ANKRD44: variants seen among roughly 807,000 people sequenced by gnomAD.
The protein encoded by ANKRD44 is ankyrin repeat domain 44, also known as serine/threonine-protein phosphatase 6 regulatory ankyrin repeat subunit B.
In ANKRD44, 35 loss-of-function variants were observed where a neutral mutation model predicts 116.0. That is an observed-to-expected ratio of 0.30 (90% CI 0.23 to 0.40). ANKRD44 has a LOEUF of 0.40. Ranked by LOEUF, ANKRD44 falls within the 10% of genes least tolerant of loss-of-function variation. ANKRD44 has a pLI of 1.00. For missense variants in ANKRD44, 1,014 were observed against 1,242.6 expected (o/e 0.82, Z 2.77); for synonymous variants, 435 against 461.8 (o/e 0.94, Z 0.74).
chr2:197,264,577 T>C (rs575380635), intron 1 of ANKRD44, among the ~76,000 whole-genome samples: 10 of 152,172 alleles, frequency 6.6e-5, no homozygotes, highest in Non-Finnish European at 1.2e-4. Context: ...GTTCATAACA[T>C]GGGGTGGATT....
In ANKRD44 at chr2:197,072,610, G is replaced by C. The variant is rs147159213; in HGVS notation, c.1650+6093C>G. The stretch of plus-strand genomic sequence containing the variant: ...ACTAAATAAAGCTTAGTCACTCACA[G>C]TGTATTTCACTTGTTCAACAACTTT... On this transcript the variant is annotated intron_variant, in intron 16 of 27. Coordinates refer to ENST00000282272, the MANE Select transcript of ANKRD44 (RefSeq NM_001195144.2). Among the ~76,000 whole-genome samples, 3 of 152,306 alleles carry C rather than the reference G, an allele frequency of 2.0e-5. No individual in the cohort carries two copies. The East Asian group carries it at 5.8e-4, about 29-fold the overall frequency.
intron 1 of ANKRD44, among the ~76,000 whole-genome samples, chr2:197,300,493 C>G (rs1030436097): frequency 6.6e-6 from 1 of 152,172 alleles, no homozygotes; most frequent in African/African-American, 2.4e-5. Flanking sequence ...TAAACCTGCA[C>G]TATATGTGGA....
intron 2 of ANKRD44, among the ~76,000 whole-genome samples, chr2:197,153,759 TA>T (rs2079726108): frequency 6.6e-6 from 1 of 152,186 alleles, no homozygotes; most frequent in African/African-American, 2.4e-5. Flanking sequence ...AAAATACTTT[TA>T]GGGATAAAAG....
chr2:197,025,787 G>A (rs554049800), intron 16 of ANKRD44, among the ~76,000 whole-genome samples: 1 of 152,316 alleles, frequency 6.6e-6, no homozygotes, highest in East Asian at 1.9e-4. Context: ...CATTTCAAGT[G>A]AATCCTAAAT....
intron 10 of ANKRD44, among the ~76,000 whole-genome samples, chr2:197,099,127 A>T (rs1235620975): frequency 6.6e-6 from 1 of 152,040 alleles, no homozygotes; most frequent in Non-Finnish European, 1.5e-5. Context: ...TTCAGAAAAC[A>T]CTGGCCACCT....
chr2:197,118,617 G>GAA (rs57119522), intron 8 of ANKRD44, among the ~76,000 whole-genome samples: 63,758 of 104,144 alleles, frequency 0.61, 17,365 homozygotes, highest in East Asian at 0.81. Flanking sequence ...GAGAAAGAAA[G>GAA]AGAGAGAGAG....
At position 197,007,911 on chromosome 2, in the gene ANKRD44, C is replaced by T; in HGVS notation, c.2025G>A (p.Met675Ile). Residue 675 changes from methionine (M) to isoleucine (I), a missense_variant, in exon 20 of 28, where the codon ATG becomes ATA. Coordinates refer to ENST00000282272, the MANE Select transcript of ANKRD44 (RefSeq NM_001195144.2). ...CAATATGTCCATATGCTACTGCAAG[C>T]ATCAGTGGTGTTCTAGGCAGAGAGA... ...VKDAKGQTPL[M>I]LAVAYGHIDA... 2 of 1,613,318 alleles carry T rather than the reference C, an allele frequency of 1.2e-6. No homozygotes were observed. The highest frequency in any genetic ancestry group is 1.1e-5 in the South Asian group (1 of 91,028).
chr2:197,164,663 C>A (rs898566062), intron 2 of ANKRD44, among the ~76,000 whole-genome samples: 4 of 152,188 alleles, frequency 2.6e-5, no homozygotes, highest in Non-Finnish European at 5.9e-5. Context: ...GCCCCTCCTG[C>A]CCCGGACGTC....
chr2:197,016,970 G>T (rs2076404462), intron 17 of ANKRD44, among the ~76,000 whole-genome samples: 1 of 151,838 alleles, frequency 6.6e-6, no homozygotes, highest in African/African-American at 2.4e-5. Flanking sequence ...GCAACTCACA[G>T]AAAAAGAAAT....
chr2:197,165,261 G>C (rs2080077863), intron 2 of ANKRD44, among the ~76,000 whole-genome samples: 1 of 152,196 alleles, frequency 6.6e-6, no homozygotes, highest in Admixed American at 6.5e-5. Flanking sequence ...ATGTCCAAGG[G>C]CCAGGTAAAC....
intron 1 of ANKRD44, among the ~76,000 whole-genome samples, chr2:197,237,470 G>T (rs535386552): frequency 6.6e-6 from 1 of 152,170 alleles, no homozygotes; most frequent in Admixed American, 6.5e-5. Flanking sequence ...CCTTCTGTGG[G>T]ATTGGACTCT....
intron 1 of ANKRD44, among the ~76,000 whole-genome samples, chr2:197,208,588 C>A (rs1356222452): frequency 6.6e-6 from 1 of 152,068 alleles, no homozygotes; most frequent in African/African-American, 2.4e-5. Flanking sequence ...ATCACGAGGT[C>A]AGGAGATTGA....
At position 197,147,467 on chromosome 2, in the gene ANKRD44, T is replaced by C. The variant is rs1478124324; in HGVS notation, c.112-362A>G. ...AAAAATCTAACCTACCATAGCAATA[T>C]AGTTCAAAGCTTTCAATGACTTATT... is the stretch of plus-strand genomic sequence containing the variant. On this transcript the variant is annotated intron_variant, in intron 2 of 27. Transcript: ENST00000282272. Among the ~76,000 whole-genome samples, 6 of 151,422 alleles carry C rather than the reference T, an allele frequency of 4.0e-5. No homozygotes were observed. In the South Asian group the frequency reaches 6.3e-4, roughly 16 times the overall value.
At chr2:197,196,825 C>T (rs1388274377) in intron 1 of ANKRD44, among the ~76,000 whole-genome samples, 2 of 152,150 alleles carry the variant, frequency 1.3e-5, no homozygotes, top group African/African-American at 4.8e-5. Context: ...CCTCTCCTTC[C>T]CTTCTACTGT....
intron 1 of ANKRD44, among the ~76,000 whole-genome samples, chr2:197,213,966 G>A (rs2081382801): frequency 6.6e-6 from 1 of 152,160 alleles, no homozygotes; most frequent in African/African-American, 2.4e-5. Context: ...GCATAGTCTA[G>A]GTTTCTCTAA....
At chr2:197,050,858 G>A (rs56012946) in intron 16 of ANKRD44, among the ~76,000 whole-genome samples, 17,784 of 152,052 alleles carry the variant, frequency 0.12, 1,476 homozygotes, top group Middle Eastern at 0.22. Context: ...TACTTACAGA[G>A]CATATAAATT....
chr2:197,212,039 GTCTCTC>G lies in ANKRD44; in HGVS notation c.28-24939_28-24934del, dbSNP rs1350164799. On this transcript the variant is annotated intron_variant, in intron 1 of 27. Coordinates refer to ENST00000282272, the MANE Select transcript of ANKRD44 (RefSeq NM_001195144.2). The surrounding 1 kb of genome is among the most constrained non-coding windows in gnomAD (Gnocchi z 4.8). The stretch of plus-strand genomic sequence containing the variant: ...TCACTGAGCCTCTCTCTCTCTCTCA[GTCTCTC>G]TCTCTCTCACACACACACACACACA... Among the ~76,000 whole-genome samples the G allele has an allele frequency of 1.7e-5, 2 of 116,614 alleles. No homozygotes were observed. The highest frequency in any genetic ancestry group is 2.6e-5 in the African/African-American group (1 of 38,768). The allele number at this position is 116,614 out of a possible 152,430, so 76.5% of individuals were successfully genotyped here. A position where few individuals can be genotyped will look rare whatever the true frequency, so the allele number is the denominator to read the frequency against.
At chr2:197,086,537 T>C (rs1429782837) in intron 13 of ANKRD44, 143 bp downstream of exon 13, 2 of 693,164 alleles carry the variant, frequency 2.9e-6, no homozygotes, top group African/African-American at 3.6e-5. Flanking sequence ...GCAACCTCTA[T>C]GAGAAGGGAC....
At chr2:196,994,296 C>T (rs536534025) in intron 26 of ANKRD44, among the ~76,000 whole-genome samples, 1 of 152,126 alleles carries the variant, frequency 6.6e-6, no homozygotes, top group African/African-American at 2.4e-5. Context: ...AGTGATTCTC[C>T]TGCCTCAGTC....
Sources: allele counts gnomAD v4.1 joint callset (sites outside exome capture counted in the v4.1 genomes callset), GRCh38; gene constraint gnomAD v4.1.1; non-coding constraint Gnocchi (gnomAD v3.1); transcripts MANE v1.5; gene names NCBI Gene and HGNC (gene_info 2026-07-23, HGNC 2026-07-21).